Variants in NEBL observed in about 807,000 individuals in gnomAD.
NEBL encodes LIM and SH3 protein 2.
Under a neutral mutation model 140.2 loss-of-function variants are expected in NEBL, and 122 were observed. The observed-to-expected ratio is 0.87, with a 90% CI of 0.75 to 1.01. The LOEUF is 1.01. Ranked by LOEUF, NEBL falls within the 50% of genes least tolerant of loss-of-function variation. The pLI is 0.00. For synonymous variants in NEBL, 436 were observed against 398.9 expected (o/e 1.09, Z -1.11); for missense variants, 1,365 against 1,231.3 (o/e 1.11, Z -1.62).
At position 21,288,820 on chromosome 10, in the gene NEBL, G is replaced by GTATATATATATATATATATA. The variant is rs71392181; in HGVS notation, n.182+3990_182+4009dup. 3.3e-3 allele frequency among the ~76,000 whole-genome samples: 116 copies of GTATATATATATATATATATA among 34,918 alleles called. 1 individual carries two copies. Among genetic ancestry groups the GTATATATATATATATATATA allele is most frequent in the East Asian group, 0.012 (5 of 402 alleles). The allele number at this position is 34,918 out of a possible 152,430, so 22.9% of individuals were successfully genotyped here. A position where few individuals can be genotyped will look rare whatever the true frequency, so the allele number is the denominator to read the frequency against. ...TCTGACAATATATACGTGTGTGTGT[G>GTATATATATATATATATATA]TATATATATATATATATATATATAT... On this transcript the variant is annotated intron_variant and non_coding_transcript_variant, in intron 1 of 8. Coordinates refer to the NEBL transcript ENST00000675702.
chr10:20,815,331 C>T (rs1838619056), intron 22 of NEBL, among the ~76,000 whole-genome samples: 1 of 152,116 alleles, frequency 6.6e-6, no homozygotes. Flanking sequence ...AAGGCTTTAC[C>T]ACCTTCAAAG....
intron 3 of NEBL, among the ~76,000 whole-genome samples, chr10:20,889,422 CA>C (rs1439140223): frequency 6.6e-5 from 10 of 152,082 alleles, no homozygotes; most frequent in Admixed American, 6.6e-4. Flanking sequence ...AATTATTTAT[CA>C]AAGATATCAC....
At chr10:21,263,031 T>C (rs1169956636) in intron 1 of NEBL, among the ~76,000 whole-genome samples, 2 of 152,228 alleles carry the variant, frequency 1.3e-5, no homozygotes, top group African/African-American at 4.8e-5. Context: ...TACAGATGTA[T>C]TATCTACTTT....
intron 26 of NEBL, among the ~76,000 whole-genome samples, chr10:20,791,693 T>C (rs1279075695): frequency 6.6e-6 from 1 of 152,006 alleles, no homozygotes; most frequent in Non-Finnish European, 1.5e-5. Context: ...TGCACCATGC[T>C]AAGAACATGT....
intron 5 of NEBL, among the ~76,000 whole-genome samples, chr10:20,871,941 T>C (rs143604286): frequency 5.5e-4 from 83 of 152,284 alleles, no homozygotes; most frequent in Middle Eastern, 3.4e-3. Flanking sequence ...AAACAAAAAC[T>C]GGCTCTCAGG....
chr10:20,991,102 A>G (rs1349051704), intron 3 of NEBL, among the ~76,000 whole-genome samples: 1 of 152,222 alleles, frequency 6.6e-6, no homozygotes, highest in East Asian at 1.9e-4. Flanking sequence ...CCTATAGAGA[A>G]GTATGAGATA....
At chr10:21,007,170 C>T (rs978509950) in intron 3 of NEBL, among the ~76,000 whole-genome samples, 1 of 152,060 alleles carries the variant, frequency 6.6e-6, no homozygotes, top group Non-Finnish European at 1.5e-5. Flanking sequence ...CCAATAAACA[C>T]CTCTAAGTCA....
At chr10:20,792,076 GC>G (rs1836042423) in intron 26 of NEBL, among the ~76,000 whole-genome samples, 1 of 149,066 alleles carries the variant, frequency 6.7e-6, no homozygotes, top group Non-Finnish European at 1.5e-5. Flanking sequence ...GGTTTTGAAG[GC>G]CCCTCAATGA....
chr10:21,261,985 G>A (rs1588575286), intron 1 of NEBL, among the ~76,000 whole-genome samples: 1 of 152,118 alleles, frequency 6.6e-6, no homozygotes, highest in African/African-American at 2.4e-5. Flanking sequence ...CTGGGATAAT[G>A]AGCAGAGGCC....
At chr10:21,286,629 G>A (rs1174543108) in intron 1 of NEBL, among the ~76,000 whole-genome samples, 1 of 152,152 alleles carries the variant, frequency 6.6e-6, no homozygotes, top group Non-Finnish European at 1.5e-5. Flanking sequence ...TCAGGAGATC[G>A]AGACCATCCT....
At chr10:21,147,731 C>G (rs1416184227) in intron 2 of NEBL, among the ~76,000 whole-genome samples, 3 of 152,208 alleles carry the variant, frequency 2.0e-5, no homozygotes, top group African/African-American at 7.2e-5. Context: ...AACATTCTAT[C>G]TGGTTGCCCA....
chr10:20,857,070 C>T (rs577057085), intron 9 of NEBL, among the ~76,000 whole-genome samples: 1 of 152,190 alleles, frequency 6.6e-6, no homozygotes, highest in East Asian at 1.9e-4. Flanking sequence ...CTCAGGTGAT[C>T]CACCCGCCTC....
At chr10:21,008,948 A>C (rs7908709) in intron 3 of NEBL, among the ~76,000 whole-genome samples, 1,867 of 151,524 alleles carry the variant, frequency 0.012, 30 homozygotes, top group African/African-American at 0.043. Context: ...TTATATATGT[A>C]TATAAAAAAC....
At chr10:20,931,209 C>G (rs916047143) in intron 4 of NEBL, among the ~76,000 whole-genome samples, 2 of 151,998 alleles carry the variant, frequency 1.3e-5, no homozygotes, top group African/African-American at 4.8e-5. Context: ...AAAGACGCAC[C>G]ATAATTCTCA....
At chr10:20,848,293 G>A (rs971866209) in intron 11 of NEBL, among the ~76,000 whole-genome samples, 1 of 152,190 alleles carries the variant, frequency 6.6e-6, no homozygotes, top group Non-Finnish European at 1.5e-5. Context: ...AGGTAATCTA[G>A]GGAAATTTAT....
chr10:20,970,576 G>A (rs559140184), intron 3 of NEBL, among the ~76,000 whole-genome samples: 2 of 152,136 alleles, frequency 1.3e-5, no homozygotes, highest in South Asian at 4.2e-4. Flanking sequence ...TTGAGCCTGT[G>A]AGGTGAAGGC....
intron 4 of NEBL, among the ~76,000 whole-genome samples, chr10:20,939,337 C>T (rs1332402507): frequency 6.6e-6 from 1 of 152,104 alleles, no homozygotes; most frequent in Non-Finnish European, 1.5e-5. Context: ...CCAAACTAAG[C>T]TTCTTAAGTG....
At chr10:21,180,987 C>G (rs1270718264) in intron 3 of NEBL, among the ~76,000 whole-genome samples, 1 of 152,012 alleles carries the variant, frequency 6.6e-6, no homozygotes, top group East Asian at 1.9e-4. Flanking sequence ...GTAGGCCAGG[C>G]ACAGTGGCTC....
chr10:21,151,961 A>T (rs1432537977), intron 2 of NEBL, among the ~76,000 whole-genome samples: 4 of 152,170 alleles, frequency 2.6e-5, no homozygotes, highest in Non-Finnish European at 4.4e-5. Context: ...GAGGGCAGGA[A>T]TTTTCCTCTA....
Sources: allele counts gnomAD v4.1 joint callset (sites outside exome capture counted in the v4.1 genomes callset), GRCh38; gene constraint gnomAD v4.1.1; transcripts MANE v1.5; gene names NCBI Gene and HGNC (gene_info 2026-07-23, HGNC 2026-07-21).